The following NUDCD1 variants were observed in gnomAD, a reference collection of about 807,000 sequenced individuals.
NUDCD1 encodes the protein nudC domain-containing protein 1.
In NUDCD1, 60 loss-of-function variants were observed where a neutral mutation model predicts 67.8. The observed-to-expected ratio is 0.88, with a 90% CI of 0.72 to 1.10. NUDCD1 has a LOEUF of 1.10. NUDCD1 is among the 50% of genes least tolerant of loss of function. NUDCD1 has a pLI of 0.00. For missense variants in NUDCD1, 643 were observed against 695.0 expected, an observed-to-expected ratio of 0.93 and a Z score of 0.84; for synonymous variants, 244 against 230.8, an observed-to-expected ratio of 1.06 and a Z score of -0.52.
At chr8:109,325,570 A>G (rs1815662133) in intron 1 of NUDCD1, among the ~76,000 whole-genome samples, 1 of 152,186 alleles carries the variant, frequency 6.6e-6, no homozygotes, top group Admixed American at 6.5e-5. Context: ...AAAAAGTAGG[A>G]AGAAAAACTT....
chr8:109,306,202 C>G (rs150126938), intron 2 of NUDCD1, among the ~76,000 whole-genome samples: 6 of 152,248 alleles, frequency 3.9e-5, no homozygotes, highest in Admixed American at 1.3e-4. Flanking sequence ...GGTACTAGCC[C>G]CAATCCACCA....
At chr8:109,277,807 C>T (rs1993594) in intron 6 of NUDCD1, among the ~76,000 whole-genome samples, 96,669 of 151,976 alleles carry the variant, frequency 0.64, 32,181 homozygotes, top group African/African-American at 0.84. Context: ...TTCTAGTTGG[C>T]TTGCCAATTT....
At chr8:109,329,066 T>G (rs182318444) in intron 1 of NUDCD1, among the ~76,000 whole-genome samples, 2 of 152,078 alleles carry the variant, frequency 1.3e-5, no homozygotes, top group Admixed American at 1.3e-4. Context: ...AACTTCTAGA[T>G]GTGAATATTA....
chr8:109,245,472 C>T lies in NUDCD1; in HGVS notation c.1309G>A (p.Gly437Arg), dbSNP rs770248396. Residue 437 changes from glycine (G) to arginine (R), a missense_variant, in exon 9 of 10, where the codon GGA becomes AGA. Gly to Arg is a moderately radical substitution (Grantham distance 125). Transcript: ENST00000239690. ...TLKTTHVVNL[G>R]SNQYLFSVIV... is the part of the protein sequence containing the mutation. ...ACAGAGAAAAGGTACTGGTTGCTTC[C>T]AAGATTCACCTAAAAAGTGATTTAA... The T allele has an allele frequency of 6.2e-6, 10 of 1,601,086 alleles. No homozygotes were observed. In the African/African-American group the frequency reaches 1.3e-4, roughly 22 times the overall value.
intron 6 of NUDCD1, among the ~76,000 whole-genome samples, chr8:109,280,650 TA>T (rs1451497676): frequency 6.6e-6 from 1 of 152,084 alleles, no homozygotes; most frequent in Admixed American, 6.6e-5. Flanking sequence ...AAACTAAAGT[TA>T]AAAAAATTAT....
chr8:109,270,073 G>T (rs1338202340), intron 8 of NUDCD1, among the ~76,000 whole-genome samples: 3 of 69,268 alleles, frequency 4.3e-5, no homozygotes, highest in Non-Finnish European at 6.3e-5. Flanking sequence ...GGGGCGGGGG[G>T]GGGGGGGGGT....
chr8:109,272,263 CAAAGAAT>C (rs1407066213), intron 7 of NUDCD1, among the ~76,000 whole-genome samples: 3 of 151,256 alleles, frequency 2.0e-5, no homozygotes, highest in Non-Finnish European at 4.4e-5. Flanking sequence ...AACAATAATA[CAAAGAAT>C]AGAGTGGAAA....
rs775835951 is a variant in NUDCD1, at chr8:109,322,386, G to T, written c.196C>A (p.His66Asn). Residue 66 changes from histidine (H) to asparagine (N), a missense_variant, in exon 2 of 10, where the codon CAC becomes AAC. His to Asn is a moderately conservative substitution (Grantham distance 68, BLOSUM62 1). Transcript: ENST00000239690. The stretch of plus-strand genomic sequence containing the variant: ...CTGTCTTGATACCATGAATCACAGT[G>T]CAGGTAATTATACATTCCAAAAGCA... ...MHAFGMYNYL[H>N]CDSWYQDSVY... 6.3e-7 allele frequency: 1 copy of T among 1,595,716 alleles called. No individual in the cohort carries two copies. Among genetic ancestry groups the T allele is most frequent in the East Asian group, 2.2e-5 (1 of 44,726 alleles).
In NUDCD1 at chr8:109,243,028, T is replaced by C. The variant is rs747757165; in HGVS notation, c.1733A>G (p.Lys578Arg). Residue 578 changes from lysine to arginine, a missense_variant, in exon 10 of 10, where the codon AAA (lysine) becomes AGA (arginine). Coordinates refer to ENST00000239690, the MANE Select transcript of NUDCD1 (RefSeq NM_032869.4). ...VLTTKNLFLI[K>R]VNTEN Reference sequence around the variant, plus strand: ...GAATAATTAATTCTCTGTATTTACTTTTATTAAAAAGAGGTTTTTGGTAGT... The same window carrying C: ...GAATAATTAATTCTCTGTATTTACTCTTATTAAAAAGAGGTTTTTGGTAGT... The C allele has an allele frequency of 5.3e-5, 84 of 1,585,556 alleles. No individual in the cohort carries two copies. The highest frequency in any genetic ancestry group is 6.8e-5 in the Non-Finnish European group (79 of 1,154,802).
intron 3 of NUDCD1, among the ~76,000 whole-genome samples, chr8:109,294,512 G>T (rs904140917): frequency 1.3e-5 from 2 of 152,080 alleles, no homozygotes; most frequent in Admixed American, 1.3e-4. Flanking sequence ...TTTTGTTTGA[G>T]GAATAGGGGA....
At chr8:109,317,720 G>T (rs1384571920) in intron 2 of NUDCD1, among the ~76,000 whole-genome samples, 1 of 152,140 alleles carries the variant, frequency 6.6e-6, no homozygotes, top group Admixed American at 6.5e-5. Context: ...AAACTAGCCA[G>T]TGTTTGTCTC....
chr8:109,270,862 T>C lies in NUDCD1; in HGVS notation c.1299+143A>G, dbSNP rs918488097. On this transcript the variant is annotated intron_variant, in intron 8 of 9. Coordinates refer to ENST00000239690, the MANE Select transcript of NUDCD1 (RefSeq NM_032869.4). ...CACTGTTTTGCTGAGTGTGGTAGTA[T>C]GAAAAGATGCTACTTTATGGAGTGA... 3 of 529,448 alleles carry C rather than the reference T, an allele frequency of 5.7e-6. No individual in the cohort carries two copies. In the African/African-American group the frequency reaches 5.8e-5, roughly 10 times the overall value. 32.8% of individuals were successfully genotyped at this position (529,448 alleles called of 1,614,324 possible). A position where few individuals can be genotyped will look rare whatever the true frequency, so the allele number is the denominator to read the frequency against.
At chr8:109,277,340 A>G (rs577074057) in intron 6 of NUDCD1, among the ~76,000 whole-genome samples, 1 of 152,286 alleles carries the variant, frequency 6.6e-6, no homozygotes, top group South Asian at 2.1e-4. Context: ...AAGAGGTCTG[A>G]AAGAGTTGAT....
At chr8:109,245,621 T>C (rs958326651) in intron 8 of NUDCD1, 140 bp from the exon 9 acceptor site, 1 of 610,250 alleles carries the variant, frequency 1.6e-6, no homozygotes, top group South Asian at 2.4e-5. Context: ...TGACTCCTCA[T>C]AATATCCCTG....
intron 4 of NUDCD1, among the ~76,000 whole-genome samples, chr8:109,290,183 C>A (rs189986746): frequency 1.3e-5 from 2 of 152,184 alleles, no homozygotes; most frequent in Admixed American, 1.3e-4. Flanking sequence ...TAGTCACTGG[C>A]CAGAAGTATC....
At chr8:109,314,417 C>T (rs1815338094) in intron 2 of NUDCD1, among the ~76,000 whole-genome samples, 1 of 152,146 alleles carries the variant, frequency 6.6e-6, no homozygotes, top group Non-Finnish European at 1.5e-5. Flanking sequence ...AAATTATTAA[C>T]TACACTTAGA....
At chr8:109,303,893 C>T (rs933708098) in intron 2 of NUDCD1, among the ~76,000 whole-genome samples, 16 of 152,086 alleles carry the variant, frequency 1.1e-4, no homozygotes, top group Non-Finnish European at 2.4e-4. Flanking sequence ...CTTACGATTC[C>T]CCCATTTCAC....
chr8:109,243,432 G>A, intron 9 of NUDCD1, 131 bp from the exon 10 acceptor site: 1 of 630,116 alleles, frequency 1.6e-6, no homozygotes, highest in Non-Finnish European at 2.6e-6. Context: ...TATACCATAA[G>A]GTATATAATT....
At chr8:109,247,224 T>C (rs188114994) in intron 8 of NUDCD1, among the ~76,000 whole-genome samples, 1 of 152,152 alleles carries the variant, frequency 6.6e-6, no homozygotes, top group African/African-American at 2.4e-5. Flanking sequence ...GATACTCTAT[T>C]TTTTTTAACC....
Sources: allele counts gnomAD v4.1 joint callset (sites outside exome capture counted in the v4.1 genomes callset), GRCh38; gene constraint gnomAD v4.1.1; transcripts MANE v1.5; gene names NCBI Gene and HGNC (gene_info 2026-07-23, HGNC 2026-07-21).